The following FOXP2 variants were observed in gnomAD, a reference collection of about 807,000 sequenced individuals.
FOXP2 encodes the protein forkhead box P2.
FOXP2 carries 12 observed loss-of-function variants against 115.8 expected under a neutral mutation model. The observed-to-expected ratio is 0.10, with a 90% CI of 0.07 to 0.17. The LOEUF is 0.17. Among genes scored for constraint, FOXP2 ranks in the 10% least tolerant of loss-of-function variants. The pLI is 1.00. For synonymous variants in FOXP2, 328 were observed against 297.7 expected (o/e 1.10, Z -1.05); for missense variants, 629 against 843.5 (o/e 0.75, Z 3.15).
At chr7:114,161,732 A>C (rs1385823304), upstream of FOXP2, among the ~76,000 whole-genome samples, 1 of 152,088 alleles carries the variant, frequency 6.6e-6, no homozygotes. Context: ...GAGTGACTTC[A>C]AGATAAGGCA....
intron 1 of FOXP2, among the ~76,000 whole-genome samples, chr7:114,235,468 A>G (rs757313113): frequency 1.3e-5 from 2 of 152,200 alleles, no homozygotes; most frequent in Non-Finnish European, 2.9e-5. Flanking sequence ...TGGACAAAGT[A>G]TTTTAGAGTG....
intron 1 of FOXP2, among the ~76,000 whole-genome samples, chr7:114,145,431 T>TTTTTCCC (rs1191856382): frequency 1.2e-4 from 12 of 100,446 alleles, no homozygotes; most frequent in Non-Finnish European, 1.7e-4. Flanking sequence ...GCTTTGCCAT[T>TTTTTCCC]TTTTCTTTTC....
chr7:114,508,674 A>G (rs1185443571), intron 2 of FOXP2, among the ~76,000 whole-genome samples: 1 of 152,074 alleles, frequency 6.6e-6, no homozygotes, highest in Non-Finnish European at 1.5e-5. Flanking sequence ...GATTTTTAGC[A>G]GAGAATGATA....
intron 1 of FOXP2, among the ~76,000 whole-genome samples, chr7:114,229,214 T>C (rs1217040776): frequency 6.6e-6 from 1 of 150,694 alleles, no homozygotes; most frequent in African/African-American, 2.4e-5. Context: ...TATAAATATA[T>C]ATTTGTATAA....
At chr7:114,111,809 C>T (rs181929755) in intron 1 of FOXP2, among the ~76,000 whole-genome samples, 164 of 152,052 alleles carry the variant, frequency 1.1e-3, no homozygotes, top group African/African-American at 3.6e-3. Flanking sequence ...TGAGCTGCTT[C>T]GAAAAACTTC....
Position 114,525,423 on chromosome 7 carries a change from C to A in FOXP2, c.169-9194C>A, listed in dbSNP as rs573671198. 5.9e-5 allele frequency among the ~76,000 whole-genome samples: 9 copies of A among 152,220 alleles called. No homozygotes were observed. In the East Asian group the frequency reaches 1.2e-3, roughly 20 times the overall value. ...AAAGTAAGTAGTTCTTCATTTAGTCCTGGAGGCAATATTCCAGAAGAAAAT... is the reference window on the plus strand; with the variant it reads ...AAAGTAAGTAGTTCTTCATTTAGTCATGGAGGCAATATTCCAGAAGAAAAT... On this transcript the variant is annotated intron_variant, in intron 2 of 16. Coordinates refer to ENST00000350908, the MANE Select transcript of FOXP2 (RefSeq NM_014491.4).
chr7:114,121,119 A>G (rs903922189), intron 1 of FOXP2, among the ~76,000 whole-genome samples: 3 of 152,126 alleles, frequency 2.0e-5, no homozygotes, highest in Non-Finnish European at 2.9e-5. Flanking sequence ...ATTAACCCCC[A>G]GTGTGACAGA....
At chr7:114,124,644 T>C (rs914646635) in intron 1 of FOXP2, among the ~76,000 whole-genome samples, 1 of 152,114 alleles carries the variant, frequency 6.6e-6, no homozygotes, top group Non-Finnish European at 1.5e-5. Flanking sequence ...TAAGAGGCAG[T>C]GAGCTAAGAA....
chr7:114,260,804 T>C (rs1313532934), intron 1 of FOXP2, among the ~76,000 whole-genome samples: 1 of 152,110 alleles, frequency 6.6e-6, no homozygotes, highest in Non-Finnish European at 1.5e-5. Context: ...GTGAATATCT[T>C]AGTGGTTAGA....
chr7:114,488,133 C>A (rs957771817), intron 2 of FOXP2, among the ~76,000 whole-genome samples: 1 of 152,122 alleles, frequency 6.6e-6, no homozygotes, highest in African/African-American at 2.4e-5. Context: ...AAAGGGGAGG[C>A]AAGACATGTC....
chr7:114,684,856 TAATA>T (rs1324785092), intron 16 of FOXP2, among the ~76,000 whole-genome samples: 2 of 152,236 alleles, frequency 1.3e-5, no homozygotes, highest in Non-Finnish European at 2.9e-5. Context: ...ACATTAGATT[TAATA>T]AATGTTTAAA....
At chr7:114,306,937 G>A (rs1331740566) in intron 2 of FOXP2, among the ~76,000 whole-genome samples, 1 of 152,084 alleles carries the variant, frequency 6.6e-6, no homozygotes, top group African/African-American at 2.4e-5. Context: ...TAGGTCTCTT[G>A]TGATTACAGT....
chr7:114,376,787 G>A (rs1302707665), intron 2 of FOXP2, among the ~76,000 whole-genome samples: 1 of 152,018 alleles, frequency 6.6e-6, no homozygotes. Context: ...AAAGAGTGTG[G>A]CATATTTAGA....
chr7:114,447,726 C>T (rs1794898336), intron 2 of FOXP2, among the ~76,000 whole-genome samples: 1 of 152,030 alleles, frequency 6.6e-6, no homozygotes, highest in Non-Finnish European at 1.5e-5. Context: ...ATCTACCTAC[C>T]CCCGACCCAT....
chr7:114,382,364 C>T (rs558059886), intron 2 of FOXP2, among the ~76,000 whole-genome samples: 2 of 152,322 alleles, frequency 1.3e-5, no homozygotes, highest in South Asian at 4.1e-4. Flanking sequence ...TGGTTAGTGG[C>T]TTCTGACTCA....
At position 114,690,216 on chromosome 7, in the gene FOXP2, C is replaced by T. The variant is rs1176216680; in HGVS notation, c.*290C>T. On this transcript the variant is annotated 3_prime_UTR_variant, in exon 17 of 17. Coordinates refer to ENST00000350908, the MANE Select transcript of FOXP2 (RefSeq NM_014491.4). ...CTGTTCTTTCTATAATGGCTTTGCCCATTTAAAAAATGTGGCTCTTAAGGG... is the reference window on the plus strand; with the variant it reads ...CTGTTCTTTCTATAATGGCTTTGCCTATTTAAAAAATGTGGCTCTTAAGGG... 4 of 486,438 alleles carry T rather than the reference C, an allele frequency of 8.2e-6. No homozygotes were observed. Among genetic ancestry groups the T allele is most frequent in the Admixed American group, 6.9e-5 (3 of 43,326 alleles). 30.1% of individuals were successfully genotyped at this position (486,438 alleles called of 1,614,324 possible).
chr7:114,174,039 T>C (rs2129153512), intron 1 of FOXP2, among the ~76,000 whole-genome samples: 1 of 152,122 alleles, frequency 6.6e-6, no homozygotes, highest in South Asian at 2.1e-4. Context: ...AAAATTTAAA[T>C]GATCAAATAT....
At chr7:114,175,250 T>C (rs144712809) in intron 1 of FOXP2, among the ~76,000 whole-genome samples, 1 of 152,272 alleles carries the variant, frequency 6.6e-6, no homozygotes, top group Non-Finnish European at 1.5e-5. Context: ...TACTTACTCG[T>C]TAAGTCCACT....
At chr7:114,543,456 C>T (rs1799777372) in intron 3 of FOXP2, among the ~76,000 whole-genome samples, 1 of 152,102 alleles carries the variant, frequency 6.6e-6, no homozygotes, top group Admixed American at 6.6e-5. Context: ...ACCAAGCTAC[C>T]ATTGCCTTAT....
Sources: allele counts gnomAD v4.1 joint callset (sites outside exome capture counted in the v4.1 genomes callset), GRCh38; gene constraint gnomAD v4.1.1; transcripts MANE v1.5; gene names NCBI Gene and HGNC (gene_info 2026-07-23, HGNC 2026-07-21).